The following CERCAM variants were observed in gnomAD, a reference collection of about 807,000 sequenced individuals.
CERCAM encodes the protein inactive glycosyltransferase 25 family member 3.
CERCAM carries 59 observed loss-of-function variants against 66.0 expected under a neutral mutation model. The observed-to-expected ratio is 0.89, with a 90% CI of 0.73 to 1.11. CERCAM has a LOEUF of 1.11. Ranked by LOEUF, CERCAM falls within the 50% of genes most tolerant of loss-of-function variation. The pLI, the probability that CERCAM is intolerant of heterozygous loss-of-function variation, is 0.00. For synonymous variants in CERCAM, 318 were observed against 343.6 expected, an observed-to-expected ratio of 0.93 and a Z score of 0.83; for missense variants, 840 against 828.3, an observed-to-expected ratio of 1.01 and a Z score of -0.17.
rs201116187 is a variant in CERCAM, at chr9:128,429,053, G to T, written c.1070+17G>T. 113 of 1,569,906 alleles carry T rather than the reference G, an allele frequency of 7.2e-5. No individual in the cohort carries two copies. In the African/African-American group the frequency reaches 1.1e-3, roughly 15 times the overall value. ...GGATGGCTGGTGAGCCTGCCTGGTG[G>T]GGGGGGCCCTGTGCGCTTGGGGAAG... is the stretch of plus-strand genomic sequence containing the variant. On this transcript the variant is annotated intron_variant, in intron 8 of 12. Transcript: ENST00000372838.
At chr9:128,432,995 G>A (rs564679182) in intron 9 of CERCAM, among the ~76,000 whole-genome samples, 3 of 151,988 alleles carry the variant, frequency 2.0e-5, no homozygotes, top group Non-Finnish European at 4.4e-5. Flanking sequence ...TTAGCCCGGC[G>A]TTGGCCGGGC....
At chr9:128,433,955 A>C (rs1834039528) in intron 9 of CERCAM, 147 bp from the exon 10 acceptor site, 5 of 982,624 alleles carry the variant, frequency 5.1e-6, no homozygotes, top group Middle Eastern at 2.5e-4. Flanking sequence ...TTCCGGTCCC[A>C]GGCAGTGGGG....
At chr9:128,420,669 C>G (rs1354089451), upstream of CERCAM, 1 of 229,468 alleles carries the variant, frequency 4.4e-6, no homozygotes, top group Non-Finnish European at 8.4e-6. This position sits in a 1 kb window ranked among gnomAD's most constrained non-coding sequence, Gnocchi z 5.0. Flanking sequence ...TGGCGCGGGT[C>G]CCCGGGCCCT....
chr9:128,429,838 G>C (rs1833934323), intron 8 of CERCAM, among the ~76,000 whole-genome samples: 1 of 151,722 alleles, frequency 6.6e-6, no homozygotes, highest in Non-Finnish European at 1.5e-5. Context: ...CCCAGGCCTG[G>C]AGTGCAGTGG....
chr9:128,420,848 G>A (rs1178316423), upstream of CERCAM: 5 of 1,142,376 alleles, frequency 4.4e-6, no homozygotes, highest in Non-Finnish European at 5.5e-6. The surrounding 1 kb of genome is among the most constrained non-coding windows in gnomAD (Gnocchi z 5.0). Context: ...GAGAGCTCCG[G>A]GGGCCGCTGC....
Position 128,436,423 on chromosome 9 carries a change from T to C in CERCAM, c.*1-426T>C, listed in dbSNP as rs553003995. Among the ~76,000 whole-genome samples the C allele has an allele frequency of 2.6e-5, 4 of 152,256 alleles. No homozygotes were observed. In the South Asian group the frequency reaches 8.3e-4, roughly 32 times the overall value. On this transcript the variant is annotated intron_variant, in intron 12 of 12. Transcript: ENST00000372838. The stretch of plus-strand genomic sequence containing the variant: ...CCACCACGTCCGGCTAAATTTTGTA[T>C]TTTTAGTAGAGACAGGGTTTCACCA...
upstream of CERCAM, chr9:128,420,849 G>T: frequency 8.7e-7 from 1 of 1,156,014 alleles, no homozygotes; most frequent in Non-Finnish European, 1.1e-6. The surrounding 1 kb of genome is among the most constrained non-coding windows in gnomAD (Gnocchi z 5.0). Flanking sequence ...AGAGCTCCGG[G>T]GGCCGCTGCA....
chr9:128,420,258 C>G (rs1051710510), upstream of CERCAM: 1 of 152,266 alleles, frequency 6.6e-6, no homozygotes, highest in Non-Finnish European at 1.5e-5. The surrounding 1 kb of genome is among the most constrained non-coding windows in gnomAD (Gnocchi z 5.0). Context: ...AGCGGACCGC[C>G]GCGGGAGGAC....
At chr9:128,430,853 TAAAAA>T in intron 8 of CERCAM, 1 of 144,066 alleles carries the variant, frequency 6.9e-6, no homozygotes, top group Non-Finnish European at 1.4e-5. Flanking sequence ...CCATCTCTAC[TAAAAA>T]AAAAAAAAAA....
intron 12 of CERCAM, 32 bp downstream of exon 12, chr9:128,435,937 C>T (rs761701948): frequency 1.5e-5 from 23 of 1,566,812 alleles, no homozygotes; most frequent in Admixed American, 1.1e-4. Context: ...GCCCCAGCCC[C>T]GTAGACCTTG....
At position 128,420,875 on chromosome 9, in the gene CERCAM, G is replaced by C. The variant is rs966652490; in HGVS notation, c.-3G>C. On this transcript the variant is annotated 5_prime_UTR_variant, in exon 1 of 13. Transcript: ENST00000372838. This position sits in a 1 kb window ranked among gnomAD's most constrained non-coding sequence, Gnocchi z 5.0. ...GGCCGCTGCAGCCGCCCAAGCGCCC[G>C]CCATGCGCGCTGCCCGCGCCGCGCC... 214 of 1,262,810 alleles carry C rather than the reference G, an allele frequency of 1.7e-4. No homozygotes were observed. Among genetic ancestry groups the C allele is most frequent in the Non-Finnish European group, 2.1e-4 (206 of 1,003,556 alleles). 78.2% of individuals were successfully genotyped at this position (1,262,810 alleles called of 1,614,324 possible).
rs538358861 is a variant in CERCAM at position 128,433,273 on chromosome 9, C to T, written c.1204-829C>T. On this transcript the variant is annotated intron_variant, in intron 9 of 12. Transcript: ENST00000372838. ...CAGCCCGGGCGACAGAGCAAAACTC[C>T]GTCTCAAAAAAAAAAAAAAAAAAAA... Among the ~76,000 whole-genome samples, 22 of 128,012 alleles carry T rather than the reference C, an allele frequency of 1.7e-4. No individual in the cohort carries two copies. The East Asian group carries it at 3.7e-3, about 21-fold the overall frequency. 84.0% of individuals were successfully genotyped at this position (128,012 alleles called of 152,430 possible).
At position 128,431,084 on chromosome 9, in the gene CERCAM, G is replaced by A. The variant is rs60864997; in HGVS notation, c.1071-87G>A. 1.9e-4 allele frequency: 290 copies of A among 1,492,708 alleles called. 2 individuals are homozygous for A. The East Asian group carries it at 6.3e-3, about 32-fold the overall frequency. 92.5% of individuals were successfully genotyped at this position (1,492,708 alleles called of 1,614,324 possible). On this transcript the variant is annotated intron_variant, in intron 8 of 12. Transcript: ENST00000372838. The stretch of plus-strand genomic sequence containing the variant: ...AACCTTCTTCAAACCCGACTCCAGT[G>A]TGACTGTCCCCAACATGCACAGGCC...
rs559211798 is a variant in CERCAM at position 128,432,962 on chromosome 9, C to T, written c.1204-1140C>T. Among the ~76,000 whole-genome samples, 912 of 151,828 alleles carry T rather than the reference C, an allele frequency of 6.0e-3. 7 individuals are homozygous for T. The highest frequency in any genetic ancestry group is 9.1e-3 in the Non-Finnish European group (616 of 67,938). On this transcript the variant is annotated intron_variant, in intron 9 of 12. Transcript: ENST00000372838. ...CAGCCTGGCCAACGTGGTGAAACCC[C>T]GTCTCTACTAAAAATACAAAAATTA... is the stretch of plus-strand genomic sequence containing the variant.
upstream of CERCAM, chr9:128,420,846 C>T (rs560277845): frequency 7.6e-5 from 87 of 1,142,662 alleles, no homozygotes; most frequent in Non-Finnish European, 8.9e-5. The surrounding 1 kb of genome is among the most constrained non-coding windows in gnomAD (Gnocchi z 5.0). Context: ...CCGAGAGCTC[C>T]GGGGGCCGCT....
At chr9:128,429,166 T>C in intron 8 of CERCAM, 130 bp downstream of exon 8, 2 of 658,270 alleles carry the variant, frequency 3.0e-6, no homozygotes, top group Admixed American at 2.9e-5. Flanking sequence ...CCAAATAGGG[T>C]CTGAGTAATA....
Position 128,428,830 on chromosome 9 carries a change from C to G in CERCAM, c.960C>G (p.Asp320Glu). ...PSKRPSKIGF[D>E]EVFVISLARR... is the part of the protein sequence containing the mutation. ...AGAGGCCCAGCAAGATAGGGTTTGA[C>G]GAGGTAAGTCCCCCAGCCTGTGGGC... The change falls in exon 7 of 13, where the codon GAC becomes GAG. Residue 320 changes from aspartate (D) to glutamate (E), a missense_variant. Asp to Glu is a conservative substitution (Grantham distance 45, BLOSUM62 2). Transcript: ENST00000372838. 1.2e-6 allele frequency: 2 copies of G among 1,613,950 alleles called. No homozygotes were observed. Among genetic ancestry groups the G allele is most frequent in the Non-Finnish European group, 1.7e-6 (2 of 1,179,950 alleles).
At chr9:128,428,443 C>A in intron 6 of CERCAM, 22 bp downstream of exon 6, 1 of 1,612,986 alleles carries the variant, frequency 6.2e-7, no homozygotes, top group South Asian at 1.1e-5. Flanking sequence ...GGAACTGTTC[C>A]ACCCACCTGC....
chr9:128,421,240 G>T, intron 1 of CERCAM, 166 bp downstream of exon 1: 1 of 1,236,248 alleles, frequency 8.1e-7, no homozygotes, highest in Non-Finnish European at 1.0e-6. Flanking sequence ...AGAGGACCCC[G>T]AGCCCCCTGC....
Sources: allele counts gnomAD v4.1 joint callset (sites outside exome capture counted in the v4.1 genomes callset), GRCh38; gene constraint gnomAD v4.1.1; non-coding constraint Gnocchi (gnomAD v3.1); transcripts MANE v1.5; gene names NCBI Gene and HGNC (gene_info 2026-07-23, HGNC 2026-07-21).